OPRPN: variants seen among roughly 807,000 people sequenced by gnomAD.
The protein encoded by OPRPN is basic proline-rich lacrimal protein.
Under a neutral mutation model 2.2 loss-of-function variants are expected in OPRPN, and 1 was observed. The ratio of observed to expected loss-of-function variants is 0.45; its 90% confidence interval spans 0.16 to 2.15. The LOEUF (loss-of-function observed/expected upper bound fraction) is 2.15, where lower values mean the gene tolerates loss of function less well. OPRPN is among the 30% of genes most tolerant of loss of function. OPRPN has a pLI of 0.28. For missense variants in OPRPN, 306 were observed against 297.3 expected (o/e 1.03, Z -0.21); for synonymous variants, 126 against 111.5 (o/e 1.13, Z -0.82).
rs759664686 is a variant in OPRPN, at chr4:70,399,270, G to A, written c.-15-1G>A. 1.3e-6 allele frequency: 2 copies of A among 1,594,972 alleles called. No individual in the cohort carries two copies. The highest frequency in any genetic ancestry group is 1.1e-5 in the South Asian group (1 of 89,378). ...GTGGATAATCTTTGGCCTGTTTGTA[G>A]GAGCAACTTTAAAGAATGAAATTAA... On this transcript the variant is annotated splice_acceptor_variant, in intron 1 of 2. Coordinates refer to ENST00000399575, the MANE Select transcript of OPRPN (RefSeq NM_021225.5). LOFTEE classifies it low-confidence loss of function (5UTR_SPLICE).
At chr4:70,399,145 T>A in intron 1 of OPRPN, 126 bp from the exon 2 acceptor site, 1 of 568,800 alleles carries the variant, frequency 1.8e-6, no homozygotes, top group Non-Finnish European at 3.1e-6. Flanking sequence ...AACACATCTT[T>A]AAAGGTTATG....
At position 70,405,332 on chromosome 4, in the gene OPRPN, G is replaced by T. The variant is rs149483690; in HGVS notation, c.52-4048G>T. 5.2e-3 allele frequency among the ~76,000 whole-genome samples: 794 copies of T among 152,274 alleles called. 9 individuals carry two copies. Among genetic ancestry groups the T allele is most frequent in the African/African-American group, 0.019 (771 of 41,562 alleles). ...TAAAAATAATAAGAATGGAGATCAGGGGTCAGCTATTTGCTGTAAGGTGTA... is the reference window on the plus strand; with the variant it reads ...TAAAAATAATAAGAATGGAGATCAGTGGTCAGCTATTTGCTGTAAGGTGTA... On this transcript the variant is annotated intron_variant, in intron 2 of 2. Coordinates refer to ENST00000399575, the MANE Select transcript of OPRPN (RefSeq NM_021225.5).
chr4:70,404,072 T>G (rs936410263), intron 2 of OPRPN, among the ~76,000 whole-genome samples: 2 of 152,152 alleles, frequency 1.3e-5, no homozygotes, highest in Admixed American at 1.3e-4. Context: ...CATCTTCACT[T>G]CTTTTCCTGT....
intron 2 of OPRPN, among the ~76,000 whole-genome samples, chr4:70,402,026 T>A (rs11733884): frequency 1.3e-5 from 2 of 151,958 alleles, no homozygotes; most frequent in Non-Finnish European, 2.9e-5. Context: ...AATAAAATAC[T>A]TTACAGAAAG....
intron 2 of OPRPN, among the ~76,000 whole-genome samples, chr4:70,401,363 A>G (rs527469965): frequency 1.3e-5 from 2 of 152,236 alleles, no homozygotes; most frequent in South Asian, 4.1e-4. Flanking sequence ...AATCTTAACA[A>G]CAGTCTTAAG....
At position 70,399,296 on chromosome 4, in the gene OPRPN, C is replaced by T. The variant is rs1732924240; in HGVS notation, c.11C>T (p.Thr4Ile). ...GAGCAACTTTAAAGAATGAAATTAA[C>T]TTTCTTCTTGGGCCTGTTGGCTCTT... MKL[T>I]FFLGLLALIS... The change falls in exon 2 of 3, where the codon ACT becomes ATT. Residue 4 changes from threonine (T) to isoleucine (I), a missense_variant. Coordinates refer to ENST00000399575, the MANE Select transcript of OPRPN (RefSeq NM_021225.5). 6.2e-7 allele frequency: 1 copy of T among 1,602,262 alleles called. No homozygotes were observed. The highest frequency in any genetic ancestry group is 8.5e-7 in the Non-Finnish European group (1 of 1,171,226).
At chr4:70,402,335 C>G (rs11729697) in intron 2 of OPRPN, among the ~76,000 whole-genome samples, 17,460 of 152,042 alleles carry the variant, frequency 0.11, 1,099 homozygotes, top group East Asian at 0.2. Flanking sequence ...ACTGAGAAAT[C>G]AAACAGAGAA....
chr4:70,402,499 C>T (rs1308100296), intron 2 of OPRPN, among the ~76,000 whole-genome samples: 1 of 151,936 alleles, frequency 6.6e-6, no homozygotes, highest in African/African-American at 2.4e-5. Flanking sequence ...TCATTCAACC[C>T]AAAATACTTA....
At position 70,399,391 on chromosome 4, in the gene OPRPN, C is replaced by T. The variant is rs1013822070; in HGVS notation, c.51+55C>T. 4 of 1,455,704 alleles carry T rather than the reference C, an allele frequency of 2.7e-6. No individual in the cohort carries two copies. The African/African-American group carries it at 5.7e-5, about 21-fold the overall frequency. The allele number at this position is 1,455,704 out of a possible 1,614,324, so 90.2% of individuals were successfully genotyped here. Reference sequence around the variant, plus strand: ...TTATATTTATTGTTAATCATGATTTCAAAGAAAGTTTTGATACCAAGAATT... The same window carrying T: ...TTATATTTATTGTTAATCATGATTTTAAAGAAAGTTTTGATACCAAGAATT... On this transcript the variant is annotated intron_variant, in intron 2 of 2. Transcript: ENST00000399575.
chr4:70,409,601 A>T lies in OPRPN; in HGVS notation c.273A>T (p.Glu91Asp). The change falls in exon 3 of 3, where the codon GAA becomes GAT. Residue 91 changes from glutamate (E) to aspartate (D), a missense_variant. Transcript: ENST00000399575. ...AVILSQLFPLESIRQPRLFPG... is the reference protein window; with the variant it reads ...AVILSQLFPLDSIRQPRLFPG... ...TTCTATCTCAACTCTTTCCATTGGA[A>T]TCTATTAGACAACCTCGACTCTTTC... 6.2e-7 allele frequency: 1 copy of T among 1,613,820 alleles called. No individual in the cohort carries two copies. Among genetic ancestry groups the T allele is most frequent in the Non-Finnish European group, 8.5e-7 (1 of 1,179,726 alleles).
At chr4:70,400,685 T>C (rs1450716396) in intron 2 of OPRPN, among the ~76,000 whole-genome samples, 1 of 151,942 alleles carries the variant, frequency 6.6e-6, no homozygotes. Flanking sequence ...TTGCATGAAA[T>C]ATATAAAGAG....
At chr4:70,399,229 A>G in intron 1 of OPRPN, 42 bp from the exon 2 acceptor site, 2 of 1,436,996 alleles carry the variant, frequency 1.4e-6, no homozygotes, top group South Asian at 1.2e-5. Flanking sequence ...AACACTGTTG[A>G]TCGATTTGGC....
chr4:70,402,593 A>G (rs2109769512), intron 2 of OPRPN, among the ~76,000 whole-genome samples: 1 of 152,186 alleles, frequency 6.6e-6, no homozygotes, highest in East Asian at 1.9e-4. Flanking sequence ...TTCTAACCTC[A>G]TGGAGCTTAT....
chr4:70,409,828 C>A lies in OPRPN; in HGVS notation c.500C>A (p.Thr167Asn). ...PPTTATATTS[T>N]STKPTMTISS... ...ACCACTGCAACAGCAACCACCAGCA[C>A]TTCCACAAAACCCACAATGACGATC... Residue 167 changes from threonine (T) to asparagine (N), a missense_variant, in exon 3 of 3, where the codon ACT (threonine) becomes AAT (asparagine). Thr to Asn is a moderately conservative substitution (Grantham distance 65, BLOSUM62 0). Transcript: ENST00000399575. 3 of 1,612,762 alleles carry A rather than the reference C, an allele frequency of 1.9e-6. No homozygotes were observed. The highest frequency in any genetic ancestry group is 2.5e-6 in the Non-Finnish European group (3 of 1,179,164).
intron 2 of OPRPN, among the ~76,000 whole-genome samples, chr4:70,404,762 G>A (rs1733050564): frequency 6.6e-6 from 1 of 152,080 alleles, no homozygotes; most frequent in African/African-American, 2.4e-5. Flanking sequence ...CTACCTACAA[G>A]ACCCTGCTTT....
At chr4:70,400,560 T>C (rs1732955859) in intron 2 of OPRPN, among the ~76,000 whole-genome samples, 1 of 151,938 alleles carries the variant, frequency 6.6e-6, no homozygotes, top group Admixed American at 6.6e-5. Flanking sequence ...AAAAAAAGAA[T>C]AGCTGATCTT....
intron 2 of OPRPN, among the ~76,000 whole-genome samples, chr4:70,402,580 AG>A (rs1263250000): frequency 6.6e-6 from 1 of 152,060 alleles, no homozygotes; most frequent in African/African-American, 2.4e-5. Flanking sequence ...ACAGACAAAA[AG>A]TTTCTAACCT....
chr4:70,405,718 G>T (rs1424031570), intron 2 of OPRPN, among the ~76,000 whole-genome samples: 1 of 152,090 alleles, frequency 6.6e-6, no homozygotes, highest in African/African-American at 2.4e-5. Context: ...TAGCAGCCAT[G>T]ACTTAAGATC....
Position 70,409,768 on chromosome 4 carries a change from C to A in OPRPN, c.440C>A (p.Thr147Asn). The change falls in exon 3 of 3, where the codon ACC becomes AAC. Residue 147 changes from threonine to asparagine, a missense_variant. Thr to Asn is a moderately conservative substitution (Grantham distance 65). Transcript: ENST00000399575. ...ISNPEPQINI[T>N]TADTTITTNP... Reference sequence around the variant, plus strand: ...AACCCTGAGCCCCAAATAAACATCACCACCGCAGATACAACAATCACCACA... The same window carrying A: ...AACCCTGAGCCCCAAATAAACATCAACACCGCAGATACAACAATCACCACA... The A allele has an allele frequency of 6.2e-7, 1 of 1,613,780 alleles. No homozygotes were observed. The highest frequency in any genetic ancestry group is 8.5e-7 in the Non-Finnish European group (1 of 1,179,836).
Sources: allele counts gnomAD v4.1 joint callset (sites outside exome capture counted in the v4.1 genomes callset), GRCh38; gene constraint gnomAD v4.1.1; transcripts MANE v1.5; gene names NCBI Gene and HGNC (gene_info 2026-07-23, HGNC 2026-07-21).